NOVA1: variants seen among roughly 807,000 people sequenced by gnomAD.
NOVA1 encodes RNA-binding protein Nova-1.
In NOVA1, 7 loss-of-function variants were observed where a neutral mutation model predicts 38.0. The ratio of observed to expected loss-of-function variants is 0.18; its 90% CI spans 0.10 to 0.35. The LOEUF is 0.35. Ranked by LOEUF, NOVA1 falls within the 10% of genes least tolerant of loss-of-function variation. The pLI, the probability that NOVA1 is intolerant of heterozygous loss-of-function variation, is 1.00. For missense variants in NOVA1, 460 were observed against 616.0 expected, an observed-to-expected ratio of 0.75 and a Z score of 2.68; for synonymous variants, 270 against 232.5, an observed-to-expected ratio of 1.16 and a Z score of -1.47.
chr14:26,517,159 C>A (rs1349541322), intron 2 of NOVA1, among the ~76,000 whole-genome samples: 2 of 152,086 alleles, frequency 1.3e-5, no homozygotes, highest in Admixed American at 1.3e-4. Context: ...CCTGCCTCGG[C>A]CTCCCAAAAT....
intron 4 of NOVA1, 200 bp downstream of exon 4, chr14:26,472,120 T>C (rs991284154): frequency 2.0e-5 from 10 of 503,148 alleles, no homozygotes; most frequent in Non-Finnish European, 2.8e-5. Context: ...TATCTGAATA[T>C]AGTATTTGTT....
rs544490073 is a variant in NOVA1, at chr14:26,447,899, A to G, written c.*60T>C. 6 of 1,368,400 alleles carry G rather than the reference A, an allele frequency of 4.4e-6. No homozygotes were observed. Among genetic ancestry groups the G allele is most frequent in the African/African-American group, 4.3e-5 (3 of 70,056 alleles). The allele number at this position is 1,368,400 out of a possible 1,614,324, so 84.8% of individuals were successfully genotyped here. On this transcript the variant is annotated 3_prime_UTR_variant, in exon 5 of 5. Transcript: ENST00000539517. ...ACTTCACTTCTGCAAAGTACAGTAC[A>G]TCCTTCTTGAAAATGGGGTAAAGGA...
intron 2 of NOVA1, among the ~76,000 whole-genome samples, chr14:26,571,144 AAT>A (rs764542201): frequency 3.5e-4 from 52 of 149,040 alleles, no homozygotes; most frequent in South Asian, 1.3e-3. Flanking sequence ...TATGGATTAA[AAT>A]ATATATATAT....
intron 2 of NOVA1, among the ~76,000 whole-genome samples, chr14:26,481,897 T>C (rs1885481577): frequency 6.8e-6 from 1 of 147,096 alleles, no homozygotes; most frequent in Non-Finnish European, 1.5e-5. Flanking sequence ...CAGCAGACAA[T>C]ATGAAAACAG....
intron 2 of NOVA1, among the ~76,000 whole-genome samples, chr14:26,578,472 T>C (rs1251627508): frequency 6.6e-6 from 1 of 151,810 alleles, no homozygotes; most frequent in Non-Finnish European, 1.5e-5. Context: ...GATATCTAAG[T>C]AGGTAAGATG....
chr14:26,567,912 C>T (rs178159), intron 2 of NOVA1, among the ~76,000 whole-genome samples: 88,231 of 152,050 alleles, frequency 0.58, 30,740 homozygotes, highest in Non-Finnish European at 0.75. Context: ...ACCAATATTA[C>T]AGTCATTTCT....
At chr14:26,577,463 A>G (rs776236255) in intron 2 of NOVA1, among the ~76,000 whole-genome samples, 1 of 152,228 alleles carries the variant, frequency 6.6e-6, no homozygotes, top group African/African-American at 2.4e-5. Flanking sequence ...GTCATTCACC[A>G]GAGTTTTAAT....
intron 2 of NOVA1, chr14:26,588,311 T>C (rs1448737532): frequency 1.3e-5 from 2 of 151,050 alleles, no homozygotes; most frequent in Admixed American, 1.3e-4. Context: ...AAAAGAAAAA[T>C]ATAACATCAA....
At chr14:26,496,551 G>C (rs533184353) in intron 2 of NOVA1, among the ~76,000 whole-genome samples, 3 of 152,054 alleles carry the variant, frequency 2.0e-5, no homozygotes, top group African/African-American at 7.3e-5. Context: ...TGGTGTTTTA[G>C]ACATGAAGTC....
At chr14:26,550,958 G>A (rs1375215548) in intron 2 of NOVA1, among the ~76,000 whole-genome samples, 2 of 151,964 alleles carry the variant, frequency 1.3e-5, no homozygotes, top group African/African-American at 4.8e-5. Flanking sequence ...TTTTCCTTAA[G>A]TGACAAGATG....
chr14:26,453,153 A>T (rs1204056054), intron 4 of NOVA1, among the ~76,000 whole-genome samples: 1 of 151,382 alleles, frequency 6.6e-6, no homozygotes. Flanking sequence ...AGCAGTGATG[A>T]ACTGCTTCAA....
rs532333433 is a variant in NOVA1 at position 26,449,646 on chromosome 14, G to A, written c.520-683C>T. The stretch of plus-strand genomic sequence containing the variant: ...TTTAATTTTTCAATGGCTTGGGGTA[G>A]ATTAACCCTATTTAAGAATTATATT... On this transcript the variant is annotated intron_variant, in intron 4 of 4. Coordinates refer to ENST00000539517, the MANE Select transcript of NOVA1 (RefSeq NM_002515.3). Among the ~76,000 whole-genome samples the A allele has an allele frequency of 2.0e-5, 3 of 151,980 alleles. No individual in the cohort carries two copies. In the South Asian group the frequency reaches 6.2e-4, roughly 32 times the overall value.
intron 2 of NOVA1, among the ~76,000 whole-genome samples, chr14:26,560,050 C>A (rs910523995): frequency 6.6e-6 from 1 of 151,768 alleles, no homozygotes; most frequent in Non-Finnish European, 1.5e-5. Context: ...TAAATATGCA[C>A]ATCTACTATA....
chr14:26,592,170 C>A (rs1229404352), intron 2 of NOVA1, among the ~76,000 whole-genome samples: 1 of 151,434 alleles, frequency 6.6e-6, no homozygotes, highest in African/African-American at 2.4e-5. Context: ...CCTACCTGAA[C>A]CATCCATTAA....
intron 2 of NOVA1, among the ~76,000 whole-genome samples, chr14:26,562,660 C>T (rs1891897144): frequency 6.6e-6 from 1 of 152,050 alleles, no homozygotes; most frequent in Non-Finnish European, 1.5e-5. Flanking sequence ...ACAGAGAATG[C>T]TAATATCAAC....
chr14:26,528,162 A>G (rs1025682865), intron 2 of NOVA1, among the ~76,000 whole-genome samples: 3 of 152,094 alleles, frequency 2.0e-5, no homozygotes, highest in Non-Finnish European at 4.4e-5. Context: ...TTCCTCACAT[A>G]CTGTATCCCT....
intron 2 of NOVA1, among the ~76,000 whole-genome samples, chr14:26,512,906 A>G (rs1888204365): frequency 6.6e-6 from 1 of 152,002 alleles, no homozygotes; most frequent in African/African-American, 2.4e-5. Context: ...AAAAGGATCT[A>G]TTGTTTCTCC....
intron 2 of NOVA1, 145 bp from the exon 3 acceptor site, chr14:26,480,288 CAT>C: frequency 2.9e-6 from 2 of 678,958 alleles, no homozygotes; most frequent in Middle Eastern, 3.8e-4. Flanking sequence ...GTAATATATA[CAT>C]GTCTCTTCTC....
chr14:26,472,316 G>A lies in NOVA1; in HGVS notation c.519+4C>T, dbSNP rs1237985428. On this transcript the variant is annotated splice_donor_region_variant and intron_variant, in intron 4 of 4. Transcript: ENST00000539517. ...ATGGTGTAGATGACAGGATGATACTGTACCTGATTAGCTCTGGAGGTGGTC... is the reference window on the plus strand; with the variant it reads ...ATGGTGTAGATGACAGGATGATACTATACCTGATTAGCTCTGGAGGTGGTC... 2.6e-6 allele frequency: 4 copies of A among 1,567,254 alleles called. No individual in the cohort carries two copies. The highest frequency in any genetic ancestry group is 1.8e-6 in the Non-Finnish European group (2 of 1,139,828).
Sources: allele counts gnomAD v4.1 joint callset (sites outside exome capture counted in the v4.1 genomes callset), GRCh38; gene constraint gnomAD v4.1.1; transcripts MANE v1.5; gene names NCBI Gene and HGNC (gene_info 2026-07-23, HGNC 2026-07-21).